The following IGF2BP2 variants were observed in gnomAD, a reference collection of about 807,000 sequenced individuals.
IGF2BP2 encodes insulin-like growth factor 2 mRNA-binding protein 2.
A neutral mutation model predicts 75.8 loss-of-function variants in IGF2BP2; 17 were observed. The ratio of observed to expected loss-of-function variants is 0.22; its 90% CI spans 0.15 to 0.34. The LOEUF (loss-of-function observed/expected upper bound fraction) is 0.34, where lower values mean the gene tolerates loss of function less well. Among genes scored for constraint, IGF2BP2 ranks in the 10% least tolerant of loss-of-function variants. IGF2BP2 has a pLI of 1.00. For missense variants in IGF2BP2, 516 were observed against 772.4 expected (o/e 0.67, Z 3.93); for synonymous variants, 288 against 295.6 (o/e 0.97, Z 0.26).
chr3:185,685,398 A>G (rs952114976), intron 7 of IGF2BP2, among the ~76,000 whole-genome samples: 9 of 152,134 alleles, frequency 5.9e-5, no homozygotes, highest in Non-Finnish European at 1.2e-4. Context: ...AACTTGGATG[A>G]GAAATGTCTT....
chr3:185,690,899 C>T (rs911950808), intron 5 of IGF2BP2, among the ~76,000 whole-genome samples: 1 of 152,130 alleles, frequency 6.6e-6, no homozygotes. Flanking sequence ...CCCAATTTTA[C>T]TAGGTTAATG....
At chr3:185,706,524 G>A (rs914039820) in intron 2 of IGF2BP2, among the ~76,000 whole-genome samples, 5 of 152,186 alleles carry the variant, frequency 3.3e-5, no homozygotes, top group African/African-American at 1.2e-4. Context: ...GGACAAGATG[G>A]TGAAGGAATT....
At chr3:185,788,658 T>C (rs1371837109) in intron 2 of IGF2BP2, among the ~76,000 whole-genome samples, 2 of 148,756 alleles carry the variant, frequency 1.3e-5, no homozygotes, top group Admixed American at 6.7e-5. Flanking sequence ...CAGAGTAAAA[T>C]AGAAATGTAA....
At chr3:185,646,268 G>C (rs532368041) in intron 15 of IGF2BP2, among the ~76,000 whole-genome samples, 20 of 152,292 alleles carry the variant, frequency 1.3e-4, no homozygotes, top group African/African-American at 4.6e-4. Context: ...GCACTGGGCG[G>C]GGGGTGCGTG....
At chr3:185,749,556 A>G (rs1039349263) in intron 2 of IGF2BP2, among the ~76,000 whole-genome samples, 7 of 152,226 alleles carry the variant, frequency 4.6e-5, no homozygotes, top group African/African-American at 1.7e-4. Flanking sequence ...GTGTCAGTCT[A>G]TCCCCAAATC....
intron 2 of IGF2BP2, among the ~76,000 whole-genome samples, chr3:185,710,565 T>C (rs1393538790): frequency 1.6e-4 from 25 of 152,056 alleles, no homozygotes. Context: ...AAACCCCGTC[T>C]CTACTAAAAA....
intron 2 of IGF2BP2, among the ~76,000 whole-genome samples, chr3:185,790,739 G>T (rs1356731866): frequency 1.3e-5 from 2 of 152,160 alleles, no homozygotes; most frequent in Non-Finnish European, 2.9e-5. Flanking sequence ...AAGGAAACTT[G>T]ATGTTTGCCT....
intron 2 of IGF2BP2, among the ~76,000 whole-genome samples, chr3:185,816,950 A>G (rs1740694848): frequency 6.6e-6 from 1 of 152,222 alleles, no homozygotes; most frequent in Non-Finnish European, 1.5e-5. Flanking sequence ...CATTAATTAC[A>G]TGACAATAAG....
chr3:185,649,557 A>G, intron 13 of IGF2BP2, 23 bp from the exon 14 acceptor site: 2 of 1,613,568 alleles, frequency 1.2e-6, no homozygotes, highest in East Asian at 4.5e-5. Flanking sequence ...GACATGACTA[A>G]TGACTCTCAG....
intron 2 of IGF2BP2, among the ~76,000 whole-genome samples, chr3:185,731,234 C>T (rs1034999710): frequency 1.3e-5 from 2 of 149,700 alleles, no homozygotes; most frequent in African/African-American, 5.0e-5. Context: ...GGCTGTGTAG[C>T]TGCATCACTT....
chr3:185,735,370 T>C (rs1728724597), intron 2 of IGF2BP2, among the ~76,000 whole-genome samples: 1 of 152,188 alleles, frequency 6.6e-6, no homozygotes, highest in African/African-American at 2.4e-5. Flanking sequence ...GGTCTTGAAC[T>C]CCTGACTTCA....
chr3:185,751,792 G>T (rs577105687), intron 2 of IGF2BP2, among the ~76,000 whole-genome samples: 2 of 151,936 alleles, frequency 1.3e-5, no homozygotes, highest in South Asian at 4.2e-4. Context: ...GTAAAACCTC[G>T]TCTCTACTAC....
At chr3:185,748,098 A>G (rs1022777902) in intron 2 of IGF2BP2, among the ~76,000 whole-genome samples, 60 of 151,702 alleles carry the variant, frequency 4.0e-4, no homozygotes, top group African/African-American at 1.4e-3. Context: ...CTTGTGATCC[A>G]TTTCACCGTG....
chr3:185,789,969 G>C (rs1326246947), intron 2 of IGF2BP2, among the ~76,000 whole-genome samples: 2 of 152,036 alleles, frequency 1.3e-5, no homozygotes, highest in Non-Finnish European at 2.9e-5. Context: ...CCTGAACTCA[G>C]GTTACCTGCC....
chr3:185,821,080 AAGTCTGATCTC>A, intron 2 of IGF2BP2: 1 of 1,535,122 alleles, frequency 6.5e-7, no homozygotes, highest in Non-Finnish European at 8.7e-7. Flanking sequence ...TTCATCCCTG[AAGTCTGATCTC>A]AGTACACAAT....
Position 185,675,776 on chromosome 3 carries a change from G to A in IGF2BP2, c.935+15C>T. ...TTCCATTATTGGGCATGAGTAATCT[G>A]AGTAAGTGGCTTACGATGAGATTGT... is the stretch of plus-strand genomic sequence containing the variant. On this transcript the variant is annotated intron_variant, in intron 8 of 15. Transcript: ENST00000382199. 3.7e-6 allele frequency: 6 copies of A among 1,611,568 alleles called. No individual in the cohort carries two copies. Among genetic ancestry groups the A allele is most frequent in the Non-Finnish European group, 5.1e-6 (6 of 1,179,558 alleles).
At chr3:185,738,425 A>C (rs1729124944) in intron 2 of IGF2BP2, among the ~76,000 whole-genome samples, 1 of 152,206 alleles carries the variant, frequency 6.6e-6, no homozygotes, top group African/African-American at 2.4e-5. Context: ...AAAGCAACAC[A>C]GAAGACGGAG....
intron 2 of IGF2BP2, among the ~76,000 whole-genome samples, chr3:185,706,780 A>C (rs1157189811): frequency 6.8e-6 from 1 of 147,914 alleles, no homozygotes; most frequent in Non-Finnish European, 1.5e-5. Flanking sequence ...CACTCCAGTC[A>C]CCCAGGCTGG....
chr3:185,709,498 C>G (rs1724503873), intron 2 of IGF2BP2, among the ~76,000 whole-genome samples: 1 of 152,242 alleles, frequency 6.6e-6, no homozygotes, highest in Non-Finnish European at 1.5e-5. Flanking sequence ...GTAAGAGGAA[C>G]ACGTGCTTAC....
Sources: gnomAD v4.1 joint callset for allele counts (sites outside exome capture counted in the v4.1 genomes callset) on GRCh38, gnomAD v4.1.1 for gene constraint, MANE v1.5 for transcripts, NCBI Gene and HGNC (gene_info 2026-07-23, HGNC 2026-07-21) for gene names.